The following ARL8B variants were observed in gnomAD, a reference collection of about 807,000 sequenced individuals.
ARL8B encodes the protein ARF like GTPase 8B, also known as ADP-ribosylation factor-like protein 8B.
In ARL8B, 9 loss-of-function variants were observed where a neutral mutation model predicts 30.6. The ratio of observed to expected loss-of-function variants is 0.29; its 90% confidence interval spans 0.18 to 0.51. The LOEUF is 0.51. ARL8B is among the 20% of genes least tolerant of loss of function. The probability of loss-of-function intolerance (pLI) is 0.97; values close to 1 mark genes in which losing one functional copy is unlikely to be tolerated. For missense variants in ARL8B, 130 were observed against 227.2 expected (o/e 0.57, Z 2.75); for synonymous variants, 74 against 76.0 (o/e 0.97, Z 0.14).
At position 5,156,213 on chromosome 3, in the gene ARL8B, G is replaced by GT. The variant is rs1364427669; in HGVS notation, c.124-14287dup. 2.6e-5 allele frequency among the ~76,000 whole-genome samples: 4 copies of GT among 151,860 alleles called. No homozygotes were observed. The East Asian group carries it at 7.8e-4, about 30-fold the overall frequency. ...CCCCCGCACTTGGCCTAAGATAATT[G>GT]TTTACTGGTCTTCCTCAGGGTCAGT... On this transcript the variant is annotated intron_variant, in intron 1 of 6. Coordinates refer to ENST00000256496, the MANE Select transcript of ARL8B (RefSeq NM_018184.3).
At chr3:5,162,399 G>T (rs1379426596) in intron 1 of ARL8B, among the ~76,000 whole-genome samples, 1 of 152,224 alleles carries the variant, frequency 6.6e-6, no homozygotes, top group East Asian at 1.9e-4. Context: ...TTTCTGGCTA[G>T]TGTTTTTGGA....
chr3:5,138,426 G>T (rs554602123), intron 1 of ARL8B, among the ~76,000 whole-genome samples: 1 of 152,196 alleles, frequency 6.6e-6, no homozygotes, highest in African/African-American at 2.4e-5. Flanking sequence ...TCAAATTCCA[G>T]TTTTGCCACT....
intron 1 of ARL8B, chr3:5,128,659 A>AT: frequency 5.7e-5 from 12 of 211,364 alleles, no homozygotes; most frequent in South Asian, 2.9e-4. Flanking sequence ...ATTATTAAAA[A>AT]ATTTTTTTTC....
At chr3:5,150,902 G>T (rs1451536952) in intron 1 of ARL8B, among the ~76,000 whole-genome samples, 1 of 152,116 alleles carries the variant, frequency 6.6e-6, no homozygotes, top group African/African-American at 2.4e-5. Context: ...GTAGAGAGAG[G>T]GCCGTTTTTT....
chr3:5,124,171 C>T (rs566603380), intron 1 of ARL8B, among the ~76,000 whole-genome samples: 3 of 151,676 alleles, frequency 2.0e-5, no homozygotes, highest in African/African-American at 7.3e-5. Flanking sequence ...GCCTGGCCTC[C>T]TATTGTAATA....
intron 4 of ARL8B, 33 bp downstream of exon 4, chr3:5,172,773 A>AATTAATATC: frequency 8.1e-7 from 1 of 1,234,728 alleles, no homozygotes; most frequent in Non-Finnish European, 1.2e-6. Context: ...TTTACATTGT[A>AATTAATATC]ATTATATAAT....
rs1180300077 is a variant in ARL8B, at chr3:5,123,651, T to G, written c.123+1063T>G. On this transcript the variant is annotated intron_variant, in intron 1 of 6. Transcript: ENST00000256496. ...TCGATGACTGTTGAAATCCTGAAGA[T>G]TAGCTGTCCGACTGGTTAGGTTACA... Among the ~76,000 whole-genome samples, 3 of 152,320 alleles carry G rather than the reference T, an allele frequency of 2.0e-5. No homozygotes were observed. The East Asian group carries it at 5.8e-4, about 29-fold the overall frequency.
intron 1 of ARL8B, among the ~76,000 whole-genome samples, chr3:5,134,332 C>G (rs1316016920): frequency 6.6e-6 from 1 of 152,150 alleles, no homozygotes; most frequent in Non-Finnish European, 1.5e-5. Flanking sequence ...AATCTGTGGC[C>G]AGAATGCAGT....
intron 6 of ARL8B, 88 bp downstream of exon 6, chr3:5,174,502 TTAAG>T (rs2054707741): frequency 2.3e-6 from 2 of 878,574 alleles, no homozygotes; most frequent in Non-Finnish European, 3.7e-6. Context: ...CGATTTCTCA[TTAAG>T]TGACTTCCTT....
rs4054878 is a variant in ARL8B, at chr3:5,140,558, G to GT, written c.123+17982dup. ...GAGAACAGACTCATACACCTTCTTG[G>GT]TTTTTTTTTTTTGGCAAAATTTCAA... On this transcript the variant is annotated intron_variant, in intron 1 of 6. Transcript: ENST00000256496. Among the ~76,000 whole-genome samples, 248 of 144,318 alleles carry GT rather than the reference G, an allele frequency of 1.7e-3. 1 individual carries two copies. Among genetic ancestry groups the GT allele is most frequent in the East Asian group, 2.4e-3 (12 of 4,944 alleles). The allele number at this position is 144,318 out of a possible 152,430, so 94.7% of individuals were successfully genotyped here.
At chr3:5,136,180 C>T (rs991288036) in intron 1 of ARL8B, among the ~76,000 whole-genome samples, 1 of 152,144 alleles carries the variant, frequency 6.6e-6, no homozygotes, top group African/African-American at 2.4e-5. Context: ...TCTTGGCTCA[C>T]CGCAGCCTCT....
intron 1 of ARL8B, among the ~76,000 whole-genome samples, chr3:5,137,639 A>T (rs1190398128): frequency 6.6e-6 from 1 of 152,086 alleles, no homozygotes; most frequent in African/African-American, 2.4e-5. Flanking sequence ...GGGTTTCACC[A>T]TGTTGATCAG....
intron 1 of ARL8B, among the ~76,000 whole-genome samples, chr3:5,124,083 G>T (rs2054207578): frequency 6.6e-6 from 1 of 152,040 alleles, no homozygotes; most frequent in South Asian, 2.1e-4. Context: ...GCTCAGGCTA[G>T]TCTCAAAACT....
intron 1 of ARL8B, among the ~76,000 whole-genome samples, chr3:5,158,349 G>A (rs2054549823): frequency 6.6e-6 from 1 of 152,162 alleles, no homozygotes; most frequent in Non-Finnish European, 1.5e-5. Context: ...GGTATTCAGT[G>A]GAAGGAACAG....
intron 1 of ARL8B, among the ~76,000 whole-genome samples, chr3:5,123,824 A>G (rs1486775248): frequency 6.6e-6 from 1 of 152,236 alleles, no homozygotes; most frequent in Non-Finnish European, 1.5e-5. Context: ...AATGATGTAT[A>G]TAAGGAAGAT....
chr3:5,139,882 G>A (rs189624138), intron 1 of ARL8B, among the ~76,000 whole-genome samples: 1 of 152,224 alleles, frequency 6.6e-6, no homozygotes, highest in Admixed American at 6.5e-5. Context: ...AATTAGGGCA[G>A]TATGCAGTGC....
At chr3:5,123,442 A>G (rs905227182) in intron 1 of ARL8B, among the ~76,000 whole-genome samples, 7 of 152,216 alleles carry the variant, frequency 4.6e-5, no homozygotes, top group African/African-American at 1.4e-4. Flanking sequence ...TTGAGTAGAA[A>G]GGTGATTGTT....
intron 1 of ARL8B, among the ~76,000 whole-genome samples, chr3:5,141,568 C>T (rs1052629102): frequency 1.3e-5 from 2 of 152,182 alleles, no homozygotes; most frequent in African/African-American, 4.8e-5. Context: ...AGCCACCATG[C>T]CTTTCCATTT....
rs191909294 is a variant in ARL8B at position 5,174,963 on chromosome 3, C to T, written c.511+549C>T. ...GACTACAGACGTGCACCACCACGCC[C>T]GGCTAATTTTTGTATTTTCAGTAGC... is the stretch of plus-strand genomic sequence containing the variant. On this transcript the variant is annotated intron_variant, in intron 6 of 6. Coordinates refer to ENST00000256496, the MANE Select transcript of ARL8B (RefSeq NM_018184.3). 3.7e-3 allele frequency among the ~76,000 whole-genome samples: 562 copies of T among 151,552 alleles called. 2 individuals are homozygous for T. The highest frequency in any genetic ancestry group is 0.013 in the African/African-American group (533 of 41,264).
Sources: allele counts gnomAD v4.1 joint callset (sites outside exome capture counted in the v4.1 genomes callset), GRCh38; gene constraint gnomAD v4.1.1; transcripts MANE v1.5; gene names NCBI Gene and HGNC (gene_info 2026-07-23, HGNC 2026-07-21).